SRPK2: variants seen among roughly 807,000 people sequenced by gnomAD.
SRPK2 encodes SFRS protein kinase 2.
A neutral mutation model predicts 90.8 loss-of-function variants in SRPK2; 21 were observed. The ratio of observed to expected loss-of-function variants is 0.23; its 90% CI spans 0.16 to 0.33. The LOEUF (loss-of-function observed/expected upper bound fraction) is 0.33. Ranked by LOEUF, SRPK2 falls within the 10% of genes least tolerant of loss-of-function variation. SRPK2 has a pLI of 1.00. For synonymous variants in SRPK2, 288 were observed against 311.1 expected, an observed-to-expected ratio of 0.93 and a Z score of 0.78; for missense variants, 620 against 869.0, an observed-to-expected ratio of 0.71 and a Z score of 3.60.
intron 3 of SRPK2, among the ~76,000 whole-genome samples, chr7:105,196,674 T>C (rs928550647): frequency 4.6e-5 from 7 of 152,226 alleles, no homozygotes; most frequent in Non-Finnish European, 7.3e-5. Flanking sequence ...GCTGTACAAA[T>C]ATTTCTTTTG....
At chr7:105,172,842 T>A (rs565586568) in intron 3 of SRPK2, among the ~76,000 whole-genome samples, 44 of 152,226 alleles carry the variant, frequency 2.9e-4, no homozygotes, top group Non-Finnish European at 5.1e-4. Context: ...CTAATATTTG[T>A]CACTAAATTT....
chr7:105,268,854 A>G (rs1053935623), intron 2 of SRPK2: 53 of 1,589,852 alleles, frequency 3.3e-5, no homozygotes, highest in Non-Finnish European at 4.5e-5. Context: ...CAGCAGCTCA[A>G]TCTTCTGCTT....
At chr7:105,242,312 G>A (rs945204378) in intron 2 of SRPK2, among the ~76,000 whole-genome samples, 1 of 152,164 alleles carries the variant, frequency 6.6e-6, no homozygotes, top group Non-Finnish European at 1.5e-5. Flanking sequence ...AAGAGCTCAA[G>A]GCCAGCCTCG....
chr7:105,178,595 G>T (rs1259118245), intron 3 of SRPK2, among the ~76,000 whole-genome samples: 1 of 152,098 alleles, frequency 6.6e-6, no homozygotes, highest in African/African-American at 2.4e-5. Context: ...GAGGCAGGAG[G>T]ATCACTTGAA....
chr7:105,257,092 C>T (rs1768802211), intron 2 of SRPK2, among the ~76,000 whole-genome samples: 1 of 152,200 alleles, frequency 6.6e-6, no homozygotes, highest in South Asian at 2.1e-4. Context: ...GGTTTGTACA[C>T]TGATATTCTG....
intron 2 of SRPK2, among the ~76,000 whole-genome samples, chr7:105,287,423 A>G (rs1368810921): frequency 1.3e-5 from 2 of 152,098 alleles, no homozygotes; most frequent in Non-Finnish European, 1.5e-5. Flanking sequence ...GTGTATATAC[A>G]TGTAAAATAT....
chr7:105,340,520 C>T (rs1019415031), intron 2 of SRPK2, among the ~76,000 whole-genome samples: 1 of 151,384 alleles, frequency 6.6e-6, no homozygotes, highest in Non-Finnish European at 1.5e-5. Context: ...CCTCCCAACT[C>T]AGTTGCCCAA....
chr7:105,336,167 T>G (rs566381739), intron 2 of SRPK2, among the ~76,000 whole-genome samples: 5 of 152,192 alleles, frequency 3.3e-5, no homozygotes, highest in African/African-American at 9.6e-5. Flanking sequence ...AAATTCATAT[T>G]TGAATGGCAT....
At chr7:105,356,314 G>C (rs950711830) in intron 2 of SRPK2, among the ~76,000 whole-genome samples, 3 of 152,100 alleles carry the variant, frequency 2.0e-5, no homozygotes, top group African/African-American at 4.8e-5. Flanking sequence ...CTCCATCCTG[G>C]AGCATGAAGG....
At chr7:105,226,733 C>T (rs920492651) in intron 2 of SRPK2, among the ~76,000 whole-genome samples, 3 of 61,220 alleles carry the variant, frequency 4.9e-5, no homozygotes, top group African/African-American at 2.1e-4. Flanking sequence ...TGGCCAGGCA[C>T]GATGGCTCAT....
chr7:105,320,612 AAGTTAT>A (rs1160294976), intron 2 of SRPK2, among the ~76,000 whole-genome samples: 2 of 152,222 alleles, frequency 1.3e-5, no homozygotes, highest in Non-Finnish European at 2.9e-5. Context: ...TTTAGTTTCA[AAGTTAT>A]AGTTATAAAG....
chr7:105,291,059 A>AG (rs1370004168), intron 2 of SRPK2, among the ~76,000 whole-genome samples: 71 of 151,276 alleles, frequency 4.7e-4, no homozygotes, highest in African/African-American at 1.4e-3. Flanking sequence ...AAAAAAAAAA[A>AG]AAAAAAGAAA....
chr7:105,261,604 A>G (rs550540461), intron 2 of SRPK2, among the ~76,000 whole-genome samples: 1 of 152,320 alleles, frequency 6.6e-6, no homozygotes, highest in East Asian at 1.9e-4. Context: ...TCTTATGATT[A>G]TTTATTAATC....
At chr7:105,293,578 C>G (rs1312916859) in intron 2 of SRPK2, among the ~76,000 whole-genome samples, 3 of 151,692 alleles carry the variant, frequency 2.0e-5, no homozygotes, top group Non-Finnish European at 4.4e-5. Flanking sequence ...CACCATCACA[C>G]TCGGCTGATT....
At chr7:105,145,385 A>C in intron 8 of SRPK2, 77 bp from the exon 9 acceptor site, 1 of 1,067,006 alleles carries the variant, frequency 9.4e-7, no homozygotes, top group Non-Finnish European at 1.4e-6. Context: ...CGAATTGCAA[A>C]GTGAAATAAT....
chr7:105,385,716 T>A (rs1821499073), intron 2 of SRPK2, among the ~76,000 whole-genome samples: 1 of 152,176 alleles, frequency 6.6e-6, no homozygotes, highest in Non-Finnish European at 1.5e-5. Flanking sequence ...GAGAGTGGAC[T>A]CTGGTCCCGG....
At chr7:105,197,762 C>T (rs964481184) in intron 3 of SRPK2, among the ~76,000 whole-genome samples, 2 of 152,036 alleles carry the variant, frequency 1.3e-5, no homozygotes, top group Admixed American at 6.6e-5. Context: ...GATTAGAGGT[C>T]GAATAAATGC....
intron 2 of SRPK2, among the ~76,000 whole-genome samples, chr7:105,275,643 A>G (rs1806386828): frequency 6.6e-6 from 1 of 152,240 alleles, no homozygotes; most frequent in Non-Finnish European, 1.5e-5. Context: ...ACTAAGGGCT[A>G]TCAGTACAGC....
chr7:105,150,472 T>A (rs767125518), intron 7 of SRPK2, among the ~76,000 whole-genome samples: 1 of 152,154 alleles, frequency 6.6e-6, no homozygotes, highest in African/African-American at 2.4e-5. Flanking sequence ...GCTGAGATCA[T>A]GGCACTGCAC....
Sources: gnomAD v4.1 joint callset for allele counts (sites outside exome capture counted in the v4.1 genomes callset) on GRCh38, gnomAD v4.1.1 for gene constraint, MANE v1.5 for transcripts, NCBI Gene and HGNC (gene_info 2026-07-23, HGNC 2026-07-21) for gene names.